IFT22: variants seen among roughly 807,000 people sequenced by gnomAD.
IFT22 encodes intraflagellar transport protein 22 homolog.
In IFT22, 13 loss-of-function variants were observed where a neutral mutation model predicts 21.0. The observed-to-expected ratio is 0.62, with a 90% CI of 0.40 to 0.98. The LOEUF (loss-of-function observed/expected upper bound fraction) is 0.98, where lower values mean the gene tolerates loss of function less well. Ranked by LOEUF, IFT22 falls within the 50% of genes least tolerant of loss-of-function variation. The pLI, the probability that IFT22 is intolerant of heterozygous loss-of-function variation, is 0.00. For synonymous variants in IFT22, 67 were observed against 82.4 expected (o/e 0.81, Z 1.01); for missense variants, 227 against 228.9 (o/e 0.99, Z 0.06).
At position 101,316,426 on chromosome 7, in the gene IFT22, T is replaced by C; in HGVS notation, c.323A>G (p.Gln108Arg). 2 of 1,614,196 alleles carry C rather than the reference T, an allele frequency of 1.2e-6. No homozygotes were observed. The highest frequency in any genetic ancestry group is 1.3e-5 in the African/African-American group (1 of 75,046). ...CTGTGTGTCCTGTAAGGACGGCTGT[T>C]GGACAAAGCAGGAATACCACATCTC... Reference protein sequence around the residue: ...EMEMWYSCFVQQPSLQDTQCM... With the variant: ...EMEMWYSCFVRQPSLQDTQCM... The change falls in exon 4 of 5, where the codon CAA (glutamine) becomes CGA (arginine). Residue 108 changes from glutamine to arginine, a missense_variant. Coordinates refer to ENST00000315322, the MANE Select transcript of IFT22 (RefSeq NM_022777.4).
intron 1 of IFT22, among the ~76,000 whole-genome samples, chr7:101,319,799 C>T (rs1263762611): frequency 6.6e-6 from 1 of 151,638 alleles, no homozygotes; most frequent in East Asian, 1.9e-4. Context: ...TGTGCATCAC[C>T]ATGCCCAGCT....
rs1790109728 is a variant in IFT22, at chr7:101,315,233, G to T, written c.459C>A (p.Asp153Glu). Residue 153 changes from aspartate to glutamate, a missense_variant, in exon 5 of 5, where the codon GAC (aspartate) becomes GAA (glutamate). By Grantham distance (45) the Asp-to-Glu change is conservative (BLOSUM62 2). Transcript: ENST00000315322. ...TGAATTCCATCCGGATCTCCTCAGG[G>T]TCATCTTCCAGGTTTGAGTGCACCA... Reference protein sequence around the residue: ...LKLVHSNLEDDPEEIRMEFIK... With the variant: ...LKLVHSNLEDEPEEIRMEFIK... 6.2e-7 allele frequency: 1 copy of T among 1,614,076 alleles called. No individual in the cohort carries two copies. The highest frequency in any genetic ancestry group is 8.5e-7 in the Non-Finnish European group (1 of 1,180,008).
chr7:101,321,107 C>A (rs1790332115), intron 1 of IFT22, among the ~76,000 whole-genome samples: 1 of 152,088 alleles, frequency 6.6e-6, no homozygotes, highest in Non-Finnish European at 1.5e-5. Context: ...CATGCCACTG[C>A]ACTCCAGCCT....
Position 101,315,241 on chromosome 7 carries a change from C to G in IFT22, c.451G>C (p.Glu151Gln), listed in dbSNP as rs764296442. 1.4e-5 allele frequency: 22 copies of G among 1,614,080 alleles called. No homozygotes were observed. The highest frequency in any genetic ancestry group is 3.3e-4 in the Middle Eastern group (2 of 6,062). ...ATCCGGATCTCCTCAGGGTCATCTTCCAGGTTTGAGTGCACCAGCTTCAGC... is the reference window on the plus strand; with the variant it reads ...ATCCGGATCTCCTCAGGGTCATCTTGCAGGTTTGAGTGCACCAGCTTCAGC... ...NKLKLVHSNL[E>Q]DDPEEIRMEF... Residue 151 changes from glutamate (E) to glutamine (Q), a missense_variant, in exon 5 of 5, where the codon GAA (glutamate) becomes CAA (glutamine). By Grantham distance (29) the Glu-to-Gln change is conservative. Transcript: ENST00000315322.
intron 2 of IFT22, 143 bp from the exon 3 acceptor site, chr7:101,318,356 C>T: frequency 1.8e-6 from 1 of 557,534 alleles, no homozygotes; most frequent in Non-Finnish European, 3.3e-6. Context: ...CCTTGCTACA[C>T]TAAAAATAAA....
intron 3 of IFT22, among the ~76,000 whole-genome samples, 197 bp from the exon 4 acceptor site, chr7:101,316,739 C>T (rs1248145083): frequency 2.0e-5 from 3 of 151,944 alleles, no homozygotes; most frequent in East Asian, 1.9e-4. Context: ...CTGGCTAACA[C>T]GGTGAAACCC....
rs764711663 is a variant in IFT22, at chr7:101,319,097, C to T, written c.40-65G>A. ...CAGAAAAGGAAACCAAAAAAATGAC[C>T]CCAAGAGGTGGCCTGGAACCCGGTG... On this transcript the variant is annotated intron_variant, in intron 1 of 4. Transcript: ENST00000315322. 3.2e-6 allele frequency: 5 copies of T among 1,546,064 alleles called. No individual in the cohort carries two copies. In the South Asian group the frequency reaches 5.6e-5, roughly 17 times the overall value.
rs2116915275 is a variant in IFT22, at chr7:101,314,360, T to C, written c.*774A>G. The C allele has an allele frequency of 6.6e-6, 1 of 151,536 alleles. No homozygotes were observed. The highest frequency in any genetic ancestry group is 2.1e-4 in the South Asian group (1 of 4,794). The allele number at this position is 151,536 out of a possible 1,614,324, so 9.4% of individuals were successfully genotyped here. Reference sequence around the variant, plus strand: ...TTAGTAGAGATGGGGTTTCACCACGTTGGTCAGGATGGTCTCGATCTCCTG... The same window carrying C: ...TTAGTAGAGATGGGGTTTCACCACGCTGGTCAGGATGGTCTCGATCTCCTG... On this transcript the variant is annotated 3_prime_UTR_variant, in exon 5 of 5. Transcript: ENST00000315322.
At chr7:101,320,283 G>GT (rs1216304561) in intron 1 of IFT22, among the ~76,000 whole-genome samples, 2 of 141,500 alleles carry the variant, frequency 1.4e-5, no homozygotes, top group African/African-American at 5.3e-5. Flanking sequence ...ATTATTATTA[G>GT]TTTTTGAGAC....
chr7:101,319,995 TC>T (rs1790284856), intron 1 of IFT22, among the ~76,000 whole-genome samples: 1 of 151,824 alleles, frequency 6.6e-6, no homozygotes, highest in African/African-American at 2.4e-5. Flanking sequence ...TCGCTCTTGT[TC>T]CCCAGGCTGG....
intron 1 of IFT22, among the ~76,000 whole-genome samples, chr7:101,319,928 C>G (rs1474910417): frequency 1.3e-5 from 2 of 151,676 alleles, no homozygotes; most frequent in Non-Finnish European, 2.9e-5. Flanking sequence ...GTGTTAGCCA[C>G]TGTGCCTGGC....
In IFT22 at chr7:101,314,592, G is replaced by C. The variant is rs990740787; in HGVS notation, c.*542C>G. Reference sequence around the variant, plus strand: ...GCTTTTGCCATTAAAAATTAAAAATGGCAAAAACCACGATTAGTTTTGCAC... The same window carrying C: ...GCTTTTGCCATTAAAAATTAAAAATCGCAAAAACCACGATTAGTTTTGCAC... On this transcript the variant is annotated 3_prime_UTR_variant, in exon 5 of 5. Transcript: ENST00000315322. 1 of 152,100 alleles carries C rather than the reference G, an allele frequency of 6.6e-6. No individual in the cohort carries two copies. The highest frequency in any genetic ancestry group is 1.5e-5 in the Non-Finnish European group (1 of 68,054). The allele number at this position is 152,100 out of a possible 1,614,324, so 9.4% of individuals were successfully genotyped here.
chr7:101,318,021 G>T (rs1584312996), intron 3 of IFT22, 103 bp downstream of exon 3: 1 of 944,194 alleles, frequency 1.1e-6, no homozygotes, highest in African/African-American at 1.6e-5. Context: ...ACCCACCTTG[G>T]CCTCCCAAAG....
At chr7:101,316,294 C>CA in intron 4 of IFT22, 46 bp downstream of exon 4, 1 of 1,588,266 alleles carries the variant, frequency 6.3e-7, no homozygotes, top group African/African-American at 1.3e-5. Flanking sequence ...TGTAGGTGTC[C>CA]AAAACATTCA....
intron 2 of IFT22, 93 bp downstream of exon 2, chr7:101,318,863 C>T: frequency 1.0e-6 from 1 of 1,004,416 alleles, no homozygotes; most frequent in South Asian, 1.3e-5. Context: ...GGCGATCCTC[C>T]CGCTTTGACC....
chr7:101,318,120 ATACT>A lies in IFT22; in HGVS notation c.206_206+3del. On this transcript the variant is annotated splice_donor_variant and splice_donor_region_variant and coding_sequence_variant and intron_variant, in exon 3 of 5. Transcript: ENST00000315322. LOFTEE classifies it high-confidence loss of function. ...TGAAGTGACTTTCTTTAAAGGAAAC[ATACT>A]TAGCATCGCCACCACAGTCCCATAG... The A allele has an allele frequency of 6.2e-7, 1 of 1,611,786 alleles. No individual in the cohort carries two copies. The highest frequency in any genetic ancestry group is 8.5e-7 in the Non-Finnish European group (1 of 1,178,122).
intron 1 of IFT22, chr7:101,321,467 C>T: frequency 1.7e-6 from 1 of 574,898 alleles, no homozygotes. Flanking sequence ...CTCGCCTCCA[C>T]TACCTCCTCC....
Position 101,315,015 on chromosome 7 carries a change from G to T in IFT22, c.*119C>A. On this transcript the variant is annotated 3_prime_UTR_variant, in exon 5 of 5. Transcript: ENST00000315322. ...GTGACAGGTGCCTTCCTGCAGGTAG[G>T]AACACTTCCTCTGCAGTCAGAGGGA... 8.8e-7 allele frequency: 1 copy of T among 1,138,596 alleles called. No individual in the cohort carries two copies. The highest frequency in any genetic ancestry group is 1.2e-6 in the Non-Finnish European group (1 of 806,608). The allele number at this position is 1,138,596 out of a possible 1,614,324, so 70.5% of individuals were successfully genotyped here.
rs768421817 is a variant in IFT22 at position 101,311,985 on chromosome 7, AT to A, written c.*3148del. Among the ~76,000 whole-genome samples the A allele has an allele frequency of 1.6e-4, 24 of 152,176 alleles. No individual in the cohort carries two copies. The highest frequency in any genetic ancestry group is 1.5e-3 in the East Asian group (8 of 5,182). On this transcript the variant is annotated 3_prime_UTR_variant, in exon 5 of 5. Coordinates refer to ENST00000315322, the MANE Select transcript of IFT22 (RefSeq NM_022777.4). ...CAAAAAAACAAAACAACACAAAAAA[AT>A]CTCCTAAGATGATTAAAACAAACTT...
Sources: gnomAD v4.1 joint callset for allele counts (sites outside exome capture counted in the v4.1 genomes callset) on GRCh38, gnomAD v4.1.1 for gene constraint, MANE v1.5 for transcripts, NCBI Gene and HGNC (gene_info 2026-07-23, HGNC 2026-07-21) for gene names.